CERKL: variants seen among roughly 807,000 people sequenced by gnomAD.
CERKL encodes the protein CERK like autophagy regulator.
CERKL carries 61 observed loss-of-function variants against 63.4 expected under a neutral mutation model. The observed-to-expected ratio is 0.96, with a 90% CI of 0.78 to 1.19. The LOEUF (loss-of-function observed/expected upper bound fraction) is 1.19. Among genes scored for constraint, CERKL ranks in the 50% most tolerant of loss-of-function variants. The probability of loss-of-function intolerance (pLI) is 0.00; values close to 1 mark genes in which losing one functional copy is unlikely to be tolerated. For missense variants in CERKL, 675 were observed against 655.5 expected, an observed-to-expected ratio of 1.03 and a Z score of -0.33; for synonymous variants, 250 against 230.5, an observed-to-expected ratio of 1.08 and a Z score of -0.77.
chr2:181,656,734 G>A, intron 1 of CERKL, 35 bp downstream of exon 1: 1 of 1,532,950 alleles, frequency 6.5e-7, no homozygotes. Context: ...AGGAAGCGCG[G>A]AGGGAGGCGA....
At chr2:181,539,591 T>C (rs574243399) in intron 11 of CERKL, among the ~76,000 whole-genome samples, 1 of 152,340 alleles carries the variant, frequency 6.6e-6, no homozygotes, top group East Asian at 1.9e-4. Context: ...ACAGAAGACA[T>C]ATAATCCATT....
In CERKL at chr2:181,539,242, G is replaced by A. The variant is rs111462421; in HGVS notation, c.1388C>T (p.Thr463Ile). Residue 463 changes from threonine (T) to isoleucine (I), a missense_variant, in exon 12 of 13, where the codon ACT becomes ATT. Physicochemically the swap from Thr to Ile is moderately conservative, Grantham distance 89. Coordinates refer to ENST00000410087, the MANE Select transcript of CERKL (RefSeq NM_201548.5). ...AACTTTTACTTCCTCAACAGTGTAA[G>A]TCTCAACAAATGGAAAATTGAACTA... ...KNQFNFPFVE[T>I]YTVEEVKVHP... 29 of 1,595,526 alleles carry A rather than the reference G, an allele frequency of 1.8e-5. No homozygotes were observed. The highest frequency in any genetic ancestry group is 6.7e-5 in the African/African-American group (5 of 74,498).
At chr2:181,574,840 T>C (rs13033528) in intron 2 of CERKL, among the ~76,000 whole-genome samples, 55,669 of 151,692 alleles carry the variant, frequency 0.37, 10,474 homozygotes, top group African/African-American at 0.43. Context: ...AGAGAGAATA[T>C]TTTACTTCTC....
At chr2:181,546,557 T>G (rs1042054324) in intron 10 of CERKL, among the ~76,000 whole-genome samples, 1 of 152,220 alleles carries the variant, frequency 6.6e-6, no homozygotes, top group Non-Finnish European at 1.5e-5. Flanking sequence ...GTTTTCAATA[T>G]CGAAGTTTGC....
rs1432111880 is a variant in CERKL at position 181,558,548 on chromosome 2, C to A, written c.820+18G>T. The A allele has an allele frequency of 1.2e-6, 2 of 1,612,544 alleles. No homozygotes were observed. The highest frequency in any genetic ancestry group is 1.7e-6 in the Non-Finnish European group (2 of 1,179,354). On this transcript the variant is annotated intron_variant, in intron 5 of 12. Coordinates refer to ENST00000410087, the MANE Select transcript of CERKL (RefSeq NM_201548.5). This position sits in a 1 kb window ranked among gnomAD's most constrained non-coding sequence, Gnocchi z 4.2. The stretch of plus-strand genomic sequence containing the variant: ...AGGGAGAAGGGTCAGTTTAATGAAT[C>A]TGTAGCCACTCCCTTGCCTGCTGGT...
chr2:181,586,015 A>G (rs1182953631), intron 2 of CERKL, among the ~76,000 whole-genome samples: 1 of 152,186 alleles, frequency 6.6e-6, no homozygotes, highest in Non-Finnish European at 1.5e-5. Flanking sequence ...ACAACCAGTA[A>G]GGAAAGATGA....
In CERKL at chr2:181,573,790, A is replaced by C; in HGVS notation, c.576T>G (p.Pro192=). 1 of 1,612,224 alleles carries C rather than the reference A, an allele frequency of 6.2e-7. No homozygotes were observed. Among genetic ancestry groups the C allele is most frequent in the Non-Finnish European group, 8.5e-7 (1 of 1,178,776 alleles). ...TTTTTATTCCTGCAAGCTTCAACAGAGGTTCAACCTTCTCATAATAAACCT... is the reference window on the plus strand; with the variant it reads ...TTTTTATTCCTGCAAGCTTCAACAGCGGTTCAACCTTCTCATAATAAACCT... ...ATQVYYEKVE[P]LLKLAGIKTD... Residue 192 remains proline, a synonymous_variant, in exon 3 of 13, where the codon CCT becomes CCG. Coordinates refer to ENST00000410087, the MANE Select transcript of CERKL (RefSeq NM_201548.5).
chr2:181,651,847 A>G lies in CERKL; in HGVS notation c.238+4922T>C, dbSNP rs535663437. On this transcript the variant is annotated intron_variant, in intron 1 of 12. Coordinates refer to ENST00000410087, the MANE Select transcript of CERKL (RefSeq NM_201548.5). ...AAATCAACATATAAAAATCAGTAGCATTTCTATACACTAATATTGTACTAT... is the reference window on the plus strand; with the variant it reads ...AAATCAACATATAAAAATCAGTAGCGTTTCTATACACTAATATTGTACTAT... Among the ~76,000 whole-genome samples, 4 of 150,710 alleles carry G rather than the reference A, an allele frequency of 2.7e-5. No individual in the cohort carries two copies. The South Asian group carries it at 8.3e-4, about 31-fold the overall frequency.
intron 2 of CERKL, among the ~76,000 whole-genome samples, chr2:181,599,612 CA>C (rs1267663907): frequency 2.0e-5 from 3 of 151,504 alleles, no homozygotes; most frequent in Admixed American, 2.0e-4. Flanking sequence ...GACAAGATTT[CA>C]GAGCTTGAAG....
chr2:181,656,695 T>C, intron 1 of CERKL, 74 bp downstream of exon 1: 1 of 1,257,774 alleles, frequency 8.0e-7, no homozygotes. Flanking sequence ...CAAAAGCTCG[T>C]GGGTGTAGGC....
chr2:181,591,610 G>T (rs1684992999), intron 2 of CERKL, among the ~76,000 whole-genome samples: 2 of 152,140 alleles, frequency 1.3e-5, no homozygotes, highest in Non-Finnish European at 2.9e-5. Flanking sequence ...TCTCAAAGTA[G>T]TTTTTATACA....
At position 181,537,655 on chromosome 2, in the gene CERKL, C is replaced by A. The variant is rs201111566; in HGVS notation, c.*529G>T. ...TCAAATCCTGAAAAATGAAAGAATC[C>A]AAATTATTTCAGAATTATCTAGGTT... On this transcript the variant is annotated 3_prime_UTR_variant, in exon 13 of 13. Coordinates refer to ENST00000410087, the MANE Select transcript of CERKL (RefSeq NM_201548.5). 5 of 433,386 alleles carry A rather than the reference C, an allele frequency of 1.2e-5. No homozygotes were observed. The highest frequency in any genetic ancestry group is 1.0e-4 in the African/African-American group (5 of 48,616). 26.8% of individuals were successfully genotyped at this position (433,386 alleles called of 1,614,324 possible). A position where few individuals can be genotyped will look rare whatever the true frequency, so the allele number is the denominator to read the frequency against.
rs1559062961 is a variant in CERKL at position 181,537,158 on chromosome 2, A to G, written c.*1026T>C. 3 of 453,924 alleles carry G rather than the reference A, an allele frequency of 6.6e-6. No homozygotes were observed. The highest frequency in any genetic ancestry group is 1.6e-5 in the South Asian group (1 of 64,460). 28.1% of individuals were successfully genotyped at this position (453,924 alleles called of 1,614,324 possible). A position where few individuals can be genotyped will look rare whatever the true frequency, so the allele number is the denominator to read the frequency against. The stretch of plus-strand genomic sequence containing the variant: ...TTGTATCGTTATAAAAAGGCTAGTC[A>G]TTCTTTCAGGAGAACATCTAGGATC... On this transcript the variant is annotated 3_prime_UTR_variant, in exon 13 of 13. Coordinates refer to ENST00000410087, the MANE Select transcript of CERKL (RefSeq NM_201548.5).
At chr2:181,628,330 T>C (rs760151785) in intron 1 of CERKL, among the ~76,000 whole-genome samples, 2 of 152,164 alleles carry the variant, frequency 1.3e-5, no homozygotes, top group Non-Finnish European at 2.9e-5. Flanking sequence ...ACTTTACCTA[T>C]TGGGAGAAGA....
At chr2:181,567,493 C>CT (rs1007741466) in intron 3 of CERKL, among the ~76,000 whole-genome samples, 6 of 151,814 alleles carry the variant, frequency 4.0e-5, no homozygotes, top group Admixed American at 6.6e-5. Flanking sequence ...TTGTAATAGT[C>CT]TTTTTTTGAT....
intron 4 of CERKL, among the ~76,000 whole-genome samples, chr2:181,562,176 T>C (rs1407002902): frequency 6.6e-6 from 1 of 152,144 alleles, no homozygotes; most frequent in African/African-American, 2.4e-5. Context: ...TGACTTCTAA[T>C]CTTTCAGCAA....
intron 2 of CERKL, among the ~76,000 whole-genome samples, chr2:181,598,165 TTACA>T: frequency 6.6e-6 from 1 of 152,146 alleles, no homozygotes; most frequent in Non-Finnish European, 1.5e-5. Flanking sequence ...CCACTTAGGC[TTACA>T]TAAAGGGTGG....
intron 1 of CERKL, among the ~76,000 whole-genome samples, chr2:181,632,720 A>T (rs1435206889): frequency 6.6e-6 from 1 of 152,166 alleles, no homozygotes; most frequent in Admixed American, 6.5e-5. Context: ...CAGTACCTGA[A>T]GGCGCTTTTC....
intron 2 of CERKL, among the ~76,000 whole-genome samples, chr2:181,597,589 T>C (rs1685272280): frequency 2.0e-5 from 3 of 152,204 alleles, no homozygotes; most frequent in Non-Finnish European, 4.4e-5. Context: ...CCCACCCTTG[T>C]GACCCAGGGC....
Sources: allele counts gnomAD v4.1 joint callset (sites outside exome capture counted in the v4.1 genomes callset), GRCh38; gene constraint gnomAD v4.1.1; non-coding constraint Gnocchi (gnomAD v3.1); transcripts MANE v1.5; gene names NCBI Gene and HGNC (gene_info 2026-07-23, HGNC 2026-07-21).